Variants in RNF32 observed in about 807,000 individuals in gnomAD.
The protein encoded by RNF32 is ring finger protein 32.
Under a neutral mutation model 41.0 loss-of-function variants are expected in RNF32, and 36 were observed. That is an observed-to-expected ratio of 0.88 (90% CI 0.67 to 1.16). The LOEUF (loss-of-function observed/expected upper bound fraction) is 1.16. Among genes scored for constraint, RNF32 ranks in the 50% most tolerant of loss-of-function variants. RNF32 has a pLI of 0.00. For synonymous variants in RNF32, 154 were observed against 160.9 expected (o/e 0.96, Z 0.32); for missense variants, 413 against 436.7 (o/e 0.95, Z 0.48).
intron 3 of RNF32, among the ~76,000 whole-genome samples, chr7:156,645,193 G>A (rs1453739921): frequency 6.6e-6 from 1 of 152,104 alleles, no homozygotes; most frequent in Non-Finnish European, 1.5e-5. Flanking sequence ...GAATATTGAG[G>A]TAGTTTCTCC....
intron 7 of RNF32, among the ~76,000 whole-genome samples, chr7:156,660,529 T>C (rs1800478771): frequency 6.6e-6 from 1 of 152,180 alleles, no homozygotes; most frequent in Admixed American, 6.5e-5. Context: ...TTTATTTTTA[T>C]TTAGAGACAG....
At chr7:156,654,388 G>T in intron 3 of RNF32, 188 bp from the exon 4 acceptor site, 1 of 500,490 alleles carries the variant, frequency 2.0e-6, no homozygotes. Context: ...TCAGGGACTT[G>T]AGCATCCTTG....
Position 156,672,349 on chromosome 7 carries a change from A to G in RNF32, c.685-3347A>G, listed in dbSNP as rs73744311. Among the ~76,000 whole-genome samples, 52 of 152,268 alleles carry G rather than the reference A, an allele frequency of 3.4e-4. 1 individual carries two copies. The highest frequency in any genetic ancestry group is 1.2e-3 in the African/African-American group (51 of 41,546). ...CTGGATGCTATTACCAGCGTTAAGAACAGTCCTGGCCCCAGGACTAATAAA... is the reference window on the plus strand; with the variant it reads ...CTGGATGCTATTACCAGCGTTAAGAGCAGTCCTGGCCCCAGGACTAATAAA... On this transcript the variant is annotated intron_variant, in intron 7 of 8. Transcript: ENST00000317955.
At chr7:156,652,691 G>C (rs1202920076) in intron 3 of RNF32, among the ~76,000 whole-genome samples, 1 of 151,262 alleles carries the variant, frequency 6.6e-6, no homozygotes, top group African/African-American at 2.4e-5. Context: ...TAACAAAAAA[G>C]TTAAAAAAAA....
At chr7:156,644,025 C>T (rs1797691211) in intron 2 of RNF32, 133 bp downstream of exon 2, 3 of 754,060 alleles carry the variant, frequency 4.0e-6, no homozygotes. Flanking sequence ...ATGGGCGATG[C>T]CAAGTGTCGC....
At chr7:156,668,581 G>C (rs547482903) in intron 7 of RNF32, among the ~76,000 whole-genome samples, 4 of 152,352 alleles carry the variant, frequency 2.6e-5, no homozygotes, top group African/African-American at 9.6e-5. Flanking sequence ...CCCACTGGCT[G>C]CATCTGCCCA....
intron 8 of RNF32, chr7:156,676,109 T>C: frequency 2.4e-6 from 2 of 818,884 alleles, no homozygotes; most frequent in Non-Finnish European, 3.7e-6. Context: ...GTGGTAGGAC[T>C]TTCCTCATGG....
chr7:156,671,773 T>C lies in RNF32; in HGVS notation c.685-3923T>C, dbSNP rs146731297. On this transcript the variant is annotated intron_variant, in intron 7 of 8. Transcript: ENST00000317955. ...TCATGTCACCATCTTTATGTCCACGTACTTGAAGAAACTTAAGTCGTGTAG... is the reference window on the plus strand; with the variant it reads ...TCATGTCACCATCTTTATGTCCACGCACTTGAAGAAACTTAAGTCGTGTAG... 4.4e-3 allele frequency among the ~76,000 whole-genome samples: 676 copies of C among 152,304 alleles called. 3 individuals carry two copies. The highest frequency in any genetic ancestry group is 0.024 in the Middle Eastern group (7 of 294).
At chr7:156,658,050 A>G in intron 5 of RNF32, 78 bp from the exon 6 acceptor site, 5 of 1,400,092 alleles carry the variant, frequency 3.6e-6, no homozygotes, top group Non-Finnish European at 5.0e-6. Context: ...CACTATAATT[A>G]GAACACTAAC....
At chr7:156,650,101 C>A (rs1006706421) in intron 3 of RNF32, among the ~76,000 whole-genome samples, 2 of 152,186 alleles carry the variant, frequency 1.3e-5, no homozygotes, top group African/African-American at 4.8e-5. Flanking sequence ...AAGCAACACA[C>A]TGAAAGTGAT....
chr7:156,677,029 T>C lies in RNF32; in HGVS notation c.*374T>C, dbSNP rs1804189960. 5.5e-6 allele frequency: 1 copy of C among 180,714 alleles called. No individual in the cohort carries two copies. Among genetic ancestry groups the C allele is most frequent in the Non-Finnish European group, 1.2e-5 (1 of 84,610 alleles). 11.2% of individuals were successfully genotyped at this position (180,714 alleles called of 1,614,324 possible). A position where few individuals can be genotyped will look rare whatever the true frequency, so the allele number is the denominator to read the frequency against. ...AATGTTTTCCGCTAATAGTCTGTCC[T>C]AAAGCCTTTGCCATTCCTAATACTC... On this transcript the variant is annotated 3_prime_UTR_variant, in exon 9 of 9. Transcript: ENST00000317955.
At chr7:156,646,295 G>A (rs139974266) in intron 3 of RNF32, among the ~76,000 whole-genome samples, 11 of 152,326 alleles carry the variant, frequency 7.2e-5, no homozygotes, top group East Asian at 1.9e-4. Flanking sequence ...CCAAAATGGC[G>A]CTGTTGGCAG....
At position 156,644,075 on chromosome 7, in the gene RNF32, C is replaced by T. The variant is rs7804211; in HGVS notation, c.15+183C>T. Among the ~76,000 whole-genome samples, 98,518 of 152,046 alleles carry T rather than the reference C, an allele frequency of 0.65. 34,227 individuals are homozygous for T. The highest frequency in any genetic ancestry group is 0.9 in the African/African-American group (37,513 of 41,522). Reference sequence around the variant, plus strand: ...AAGCCAATGGAAAAACAATCTCTGGCGATATTTACTGCAAGCATCTCTTAG... The same window carrying T: ...AAGCCAATGGAAAAACAATCTCTGGTGATATTTACTGCAAGCATCTCTTAG... On this transcript the variant is annotated intron_variant, in intron 2 of 8. Coordinates refer to ENST00000317955, the MANE Select transcript of RNF32 (RefSeq NM_030936.4).
At chr7:156,649,148 C>T (rs1031508815) in intron 3 of RNF32, among the ~76,000 whole-genome samples, 6 of 151,346 alleles carry the variant, frequency 4.0e-5, no homozygotes, top group East Asian at 1.9e-4. Flanking sequence ...TAGGAAAAGA[C>T]GTTTCCTCTT....
upstream of RNF32, chr7:156,640,703 G>A (rs1325462090): frequency 3.5e-6 from 1 of 286,066 alleles, no homozygotes; most frequent in Non-Finnish European, 6.8e-6. Flanking sequence ...AGCCCGCGGG[G>A]AGCGAGCGCG....
At chr7:156,667,538 C>T (rs949758893) in intron 7 of RNF32, among the ~76,000 whole-genome samples, 1 of 152,124 alleles carries the variant, frequency 6.6e-6, no homozygotes, top group Non-Finnish European at 1.5e-5. Flanking sequence ...TTCATAATAT[C>T]AACCACTTGT....
chr7:156,652,964 T>C (rs1347501788), intron 3 of RNF32, among the ~76,000 whole-genome samples: 1 of 152,178 alleles, frequency 6.6e-6, no homozygotes, highest in African/African-American at 2.4e-5. Flanking sequence ...AAAAAAGTTA[T>C]AGGAAGCTAA....
chr7:156,655,976 T>C (rs1799608489), intron 4 of RNF32, among the ~76,000 whole-genome samples: 1 of 152,242 alleles, frequency 6.6e-6, no homozygotes, highest in African/African-American at 2.4e-5. Context: ...TATAAATTTC[T>C]CACTAAATTC....
intron 3 of RNF32, among the ~76,000 whole-genome samples, chr7:156,645,245 C>A (rs573452285): frequency 1.3e-5 from 2 of 152,300 alleles, no homozygotes; most frequent in East Asian, 1.9e-4. Flanking sequence ...AATAACTTCA[C>A]AATTACTTCA....
Sources: allele counts gnomAD v4.1 joint callset (sites outside exome capture counted in the v4.1 genomes callset), GRCh38; gene constraint gnomAD v4.1.1; transcripts MANE v1.5; gene names NCBI Gene and HGNC (gene_info 2026-07-23, HGNC 2026-07-21).